PCDHA3: variants seen among roughly 807,000 people sequenced by gnomAD.
PCDHA3 encodes protocadherin alpha 3.
PCDHA3 carries 41 observed loss-of-function variants against 62.2 expected under a neutral mutation model. The observed-to-expected ratio is 0.66, with a 90% CI of 0.51 to 0.86. The LOEUF (loss-of-function observed/expected upper bound fraction) is 0.86, where lower values mean the gene tolerates loss of function less well. Among genes scored for constraint, PCDHA3 ranks in the 40% least tolerant of loss-of-function variants. The probability of loss-of-function intolerance (pLI) is 0.00; values close to 1 mark genes in which losing one functional copy is unlikely to be tolerated. For synonymous variants in PCDHA3, 640 were observed against 555.4 expected (o/e 1.15, Z -2.14); for missense variants, 1,304 against 1,241.2 (o/e 1.05, Z -0.76).
rs1304325749 is a variant in PCDHA3, at chr5:140,802,378, C to T, written c.1181C>T (p.Pro394Leu). ...ACCTGCTCGCTGACGCCCCACGTCC[C>T]CTTCAAGCTGGTGTCCACCTTCAAG... ...QVTCSLTPHV[P>L]FKLVSTFKNY... The change falls in exon 1 of 4, where the codon CCC (proline) becomes CTC (leucine). Residue 394 changes from proline to leucine, a missense_variant. Coordinates refer to ENST00000522353, the MANE Select transcript of PCDHA3 (RefSeq NM_018906.3). 5.0e-6 allele frequency: 8 copies of T among 1,614,142 alleles called. No individual in the cohort carries two copies. In the Admixed American group the frequency reaches 8.3e-5, roughly 17 times the overall value.
intron 1 of PCDHA3, chr5:140,929,269 A>G (rs138062218): frequency 3.0e-5 from 49 of 1,611,106 alleles, no homozygotes; most frequent in African/African-American, 5.3e-5. Context: ...GAATTTGCCA[A>G]TATCCTGTAT....
At chr5:140,909,850 C>T (rs181576128) in intron 1 of PCDHA3, among the ~76,000 whole-genome samples, 30 of 152,294 alleles carry the variant, frequency 2.0e-4, no homozygotes, top group Admixed American at 5.9e-4. Flanking sequence ...AGGACGTTTT[C>T]GGTCCCCTGG....
At chr5:140,835,993 C>A (rs2150249835) in intron 1 of PCDHA3, 2 of 1,613,346 alleles carry the variant, frequency 1.2e-6, no homozygotes, top group African/African-American at 1.3e-5. Context: ...CAGGTGAGCG[C>A]GCGCGATGCG....
At chr5:140,860,671 T>G (rs1339790199) in intron 1 of PCDHA3, 4 of 152,218 alleles carry the variant, frequency 2.6e-5, no homozygotes, top group Non-Finnish European at 2.9e-5. Flanking sequence ...TGAAATCAAA[T>G]GCACTTATGT....
intron 1 of PCDHA3, among the ~76,000 whole-genome samples, chr5:140,879,750 A>G (rs1554170976): frequency 1.3e-5 from 2 of 152,216 alleles, no homozygotes; most frequent in Non-Finnish European, 2.9e-5. Context: ...TGTCAAGGCT[A>G]TACTCTCTTT....
intron 1 of PCDHA3, chr5:140,824,245 C>A: frequency 1.4e-6 from 2 of 1,462,164 alleles, no homozygotes; most frequent in Non-Finnish European, 9.5e-7. Flanking sequence ...TATTGTGGTA[C>A]ACAATTATTG....
At chr5:140,835,454 C>G (rs2150236138) in intron 1 of PCDHA3, 5 of 1,613,928 alleles carry the variant, frequency 3.1e-6, no homozygotes, top group Non-Finnish European at 4.2e-6. Context: ...CCCTGTCTCT[C>G]CCTATTCCAG....
At chr5:140,865,535 T>C (rs2048909108) in intron 1 of PCDHA3, 3 of 152,192 alleles carry the variant, frequency 2.0e-5, no homozygotes, top group South Asian at 2.1e-4. Context: ...TCTTCATCCA[T>C]AGCTATAGGA....
intron 1 of PCDHA3, chr5:140,806,941 A>G (rs564481809): frequency 1.7e-4 from 98 of 566,622 alleles, no homozygotes; most frequent in African/African-American, 9.5e-4. Context: ...AGTTTACAGT[A>G]GAGTGTGTGG....
At chr5:140,871,308 G>A (rs1554165414) in intron 1 of PCDHA3, 2 of 1,613,998 alleles carry the variant, frequency 1.2e-6, no homozygotes, top group Admixed American at 1.7e-5. Flanking sequence ...CGCCGGGGAA[G>A]CCCACGCTGG....
chr5:140,926,754 C>A, intron 1 of PCDHA3: 1 of 1,283,492 alleles, frequency 7.8e-7, no homozygotes. Context: ...TCGGCGGTCG[C>A]TGAGTATCCA....
chr5:141,000,405 A>C lies in PCDHA3; in HGVS notation c.2543-9222A>C, dbSNP rs1290838400. Among the ~76,000 whole-genome samples the C allele has an allele frequency of 7.9e-5, 7 of 88,832 alleles. No individual in the cohort carries two copies. In the East Asian group the frequency reaches 9.8e-4, roughly 12 times the overall value. The allele number at this position is 88,832 out of a possible 152,430, so 58.3% of individuals were successfully genotyped here. On this transcript the variant is annotated intron_variant, in intron 3 of 3. Transcript: ENST00000522353. ...TCTCTCTCTCTCTCTCTATATATAT[A>C]TATATATATATATATATTTTTTTTT...
Position 140,843,376 on chromosome 5 carries a change from C to A in PCDHA3, c.2394+39785C>A, listed in dbSNP as rs1554140003. The stretch of plus-strand genomic sequence containing the variant: ...AAGCGTCATCGAGGCAGTCGGCTGG[C>A]GTTTTGGGTCCGGAAGCGGCGCTGG... On this transcript the variant is annotated intron_variant, in intron 1 of 3. Transcript: ENST00000522353. The A allele has an allele frequency of 5.0e-6, 8 of 1,595,956 alleles. 1 individual carries two copies. Among genetic ancestry groups the A allele is most frequent in the Middle Eastern group, 3.3e-4 (2 of 6,012 alleles).
intron 1 of PCDHA3, among the ~76,000 whole-genome samples, chr5:140,956,217 T>C (rs1554222303): frequency 1.1e-4 from 17 of 152,208 alleles, no homozygotes. Flanking sequence ...GGCATCCTTG[T>C]CTTGTGCTGG....
intron 1 of PCDHA3, chr5:140,857,366 G>T: frequency 6.3e-7 from 1 of 1,598,350 alleles, no homozygotes. Flanking sequence ...CACGGCCAGC[G>T]TGTCTGTGGA....
chr5:140,862,807 C>T (rs782675641), intron 1 of PCDHA3: 1 of 572,850 alleles, frequency 1.7e-6, no homozygotes, highest in East Asian at 4.7e-5. Context: ...GGAGCTGCTG[C>T]AGTTCTAGGT....
chr5:140,968,927 T>C (rs1554231254), intron 1 of PCDHA3: 3 of 1,614,090 alleles, frequency 1.9e-6, no homozygotes, highest in African/African-American at 1.3e-5. Flanking sequence ...TATATTTCTT[T>C]TGACAATCAT....
In PCDHA3 at chr5:140,801,296, C is replaced by T. The variant is rs1554121368; in HGVS notation, c.99C>T (p.Tyr33=). 1.2e-6 allele frequency: 2 copies of T among 1,613,510 alleles called. No individual in the cohort carries two copies. The highest frequency in any genetic ancestry group is 4.5e-5 in the East Asian group (2 of 44,892). Residue 33 remains tyrosine, a synonymous_variant, in exon 1 of 4, where the codon TAC becomes TAT. Transcript: ENST00000522353. ...ASEVGSGQLH[Y]SVSEEAKHGT... ...AGGTGGGGAGCGGCCAGCTCCACTA[C>T]TCCGTCTCTGAGGAGGCCAAGCATG...
chr5:140,829,250 T>C, intron 1 of PCDHA3: 1 of 1,614,278 alleles, frequency 6.2e-7, no homozygotes, highest in Non-Finnish European at 8.5e-7. Context: ...GCAGGTGAAC[T>C]GCTCGCTGAC....
Sources: gnomAD v4.1 joint callset for allele counts (sites outside exome capture counted in the v4.1 genomes callset) on GRCh38, gnomAD v4.1.1 for gene constraint, MANE v1.5 for transcripts, NCBI Gene and HGNC (gene_info 2026-07-23, HGNC 2026-07-21) for gene names.